Variants in IGFL2 observed in about 807,000 individuals in gnomAD.
IGFL2 encodes the protein insulin growth factor-like family member 2.
Under a neutral mutation model 13.9 loss-of-function variants are expected in IGFL2, and 7 were observed. The ratio of observed to expected loss-of-function variants is 0.51; its 90% CI spans 0.29 to 0.95. The LOEUF is 0.95. Among genes scored for constraint, IGFL2 ranks in the 40% least tolerant of loss-of-function variants. IGFL2 has a pLI of 0.08. For synonymous variants in IGFL2, 55 were observed against 55.8 expected, an observed-to-expected ratio of 0.99 and a Z score of 0.07; for missense variants, 138 against 147.8, an observed-to-expected ratio of 0.93 and a Z score of 0.34.
At chr19:46,103,934 C>T in the IGFL2 span, among the ~76,000 whole-genome samples, 1 of 152,060 alleles carries the variant, frequency 6.6e-6, no homozygotes, top group African/African-American at 2.4e-5. Flanking sequence ...GAATGGTGAA[C>T]CCAATGGGGA....
At chr19:46,114,358 T>C in the IGFL2 span, among the ~76,000 whole-genome samples, 1 of 152,232 alleles carries the variant, frequency 6.6e-6, no homozygotes, top group Non-Finnish European at 1.5e-5. Context: ...ACTCCTCTGC[T>C]GGTCTTTGAG....
the IGFL2 span, among the ~76,000 whole-genome samples, chr19:46,116,884 G>A: frequency 1.3e-5 from 2 of 151,926 alleles, no homozygotes; most frequent in African/African-American, 4.8e-5. Flanking sequence ...TTTCACACTC[G>A]AATTTAACTT....
the IGFL2 span, among the ~76,000 whole-genome samples, chr19:46,086,105 C>A: frequency 2.6e-5 from 4 of 151,758 alleles, no homozygotes; most frequent in South Asian, 2.1e-4. Context: ...ATTTTTGAAG[C>A]CTTTGAGTGT....
chr19:46,195,467 G>A, the IGFL2 span, among the ~76,000 whole-genome samples: 1 of 152,080 alleles, frequency 6.6e-6, no homozygotes, highest in African/African-American at 2.4e-5. Flanking sequence ...TTGCCTATAA[G>A]CAACTTGCTG....
At chr19:46,192,580 G>A in the IGFL2 span, among the ~76,000 whole-genome samples, 19 of 151,628 alleles carry the variant, frequency 1.3e-4, no homozygotes, top group South Asian at 2.9e-3. Context: ...CCACCATGCC[G>A]GGCTAACTTT....
chr19:46,139,047 A>G (rs373291956), upstream of IGFL2, among the ~76,000 whole-genome samples: 18 of 152,184 alleles, frequency 1.2e-4, no homozygotes, highest in East Asian at 2.3e-3. Context: ...TTTTGCAGCT[A>G]GGATTCTGGA....
At chr19:46,125,397 T>C in the IGFL2 span, among the ~76,000 whole-genome samples, 1 of 152,056 alleles carries the variant, frequency 6.6e-6, no homozygotes, top group Admixed American at 6.5e-5. Flanking sequence ...TACTTAGGAG[T>C]GTGTAGTACT....
At chr19:46,130,745 T>C in the IGFL2 span, among the ~76,000 whole-genome samples, 1 of 152,192 alleles carries the variant, frequency 6.6e-6, no homozygotes, top group Non-Finnish European at 1.5e-5. Context: ...GTATAGTTCC[T>C]TTTCTGTAAA....
upstream of IGFL2, among the ~76,000 whole-genome samples, chr19:46,147,070 G>A (rs1973175077): frequency 6.6e-6 from 1 of 152,166 alleles, no homozygotes; most frequent in Admixed American, 6.5e-5. Context: ...ACAAAAAGGG[G>A]CTGCCTTTCC....
chr19:46,149,358 T>C, intron 1 of IGFL2, among the ~76,000 whole-genome samples: 1 of 111,412 alleles, frequency 9.0e-6, no homozygotes, highest in South Asian at 3.7e-4. Flanking sequence ...CACATCCCCC[T>C]CTCTTCTCTT....
upstream of IGFL2, among the ~76,000 whole-genome samples, chr19:46,140,269 C>A (rs1345750362): frequency 7.0e-6 from 1 of 142,430 alleles, no homozygotes; most frequent in African/African-American, 2.6e-5. Flanking sequence ...ATATATATAT[C>A]TCAAAATGGT....
At chr19:46,133,026 G>A in the IGFL2 span, among the ~76,000 whole-genome samples, 1 of 152,086 alleles carries the variant, frequency 6.6e-6, no homozygotes, top group South Asian at 2.1e-4. Flanking sequence ...GAAAAGCATT[G>A]CCTGCAGGAG....
At chr19:46,122,427 G>T in the IGFL2 span, among the ~76,000 whole-genome samples, 1 of 151,036 alleles carries the variant, frequency 6.6e-6, no homozygotes, top group Non-Finnish European at 1.5e-5. Context: ...GGAACAAATA[G>T]GTGAAGTCAT....
chr19:46,104,661 C>G, the IGFL2 span, among the ~76,000 whole-genome samples: 4 of 152,064 alleles, frequency 2.6e-5, no homozygotes, highest in Non-Finnish European at 5.9e-5. Flanking sequence ...TGGACAGGGG[C>G]AAATCCCTGA....
the IGFL2 span, among the ~76,000 whole-genome samples, chr19:46,116,502 TTTAG>T: frequency 6.6e-6 from 1 of 152,228 alleles, no homozygotes; most frequent in African/African-American, 2.4e-5. Flanking sequence ...AAGCATTTGC[TTTAG>T]TTAAAGCAAT....
chr19:46,166,702 G>C, the IGFL2 span, among the ~76,000 whole-genome samples: 126 of 152,266 alleles, frequency 8.3e-4, 2 homozygotes, highest in Middle Eastern at 0.017. Context: ...GTTCAGAGAC[G>C]TACCCCTAGG....
chr19:46,176,655 G>C, the IGFL2 span, among the ~76,000 whole-genome samples: 1 of 111,074 alleles, frequency 9.0e-6, no homozygotes, highest in East Asian at 2.6e-4. Context: ...CAGATGCCAG[G>C]GATCTACACA....
the IGFL2 span, chr19:46,120,291 C>T: frequency 5.6e-6 from 9 of 1,610,020 alleles, no homozygotes; most frequent in African/African-American, 1.1e-4. Context: ...TTCGTCTCTT[C>T]TCCCCTTGTC....
At chr19:46,197,222 TG>T in the IGFL2 span, 1 of 205,590 alleles carries the variant, frequency 4.9e-6, no homozygotes, top group Non-Finnish European at 1.0e-5. Context: ...GCGTCCCTCA[TG>T]GTGAAGATGA....
Sources: allele counts gnomAD v4.1 joint callset (sites outside exome capture counted in the v4.1 genomes callset), GRCh38; gene constraint gnomAD v4.1.1; transcripts MANE v1.5; gene names NCBI Gene and HGNC (gene_info 2026-07-23, HGNC 2026-07-21).